BMPR1A: variants seen among roughly 807,000 people sequenced by gnomAD.
BMPR1A encodes the protein bone morphogenetic protein receptor type 1A, also known as bone morphogenetic protein receptor type-1A.
In BMPR1A, 7 loss-of-function variants were observed where a neutral mutation model predicts 66.0. That is an observed-to-expected ratio of 0.11 (90% CI 0.06 to 0.20). BMPR1A has a LOEUF of 0.20. BMPR1A is among the 10% of genes least tolerant of loss of function. The pLI is 1.00. For missense variants in BMPR1A, 408 were observed against 669.1 expected (o/e 0.61, Z 4.31); for synonymous variants, 200 against 229.7 (o/e 0.87, Z 1.17).
intron 8 of BMPR1A, among the ~76,000 whole-genome samples, chr10:86,915,204 T>A (rs1843547947): frequency 6.6e-6 from 1 of 152,164 alleles, no homozygotes. Context: ...TTTTGTATTT[T>A]TTTTTAAGTA....
chr10:86,896,625 T>C (rs1001830732), intron 5 of BMPR1A, among the ~76,000 whole-genome samples: 2 of 152,204 alleles, frequency 1.3e-5, no homozygotes, highest in African/African-American at 4.8e-5. Flanking sequence ...AAAATGATGA[T>C]AATGGGTATC....
intron 1 of BMPR1A, among the ~76,000 whole-genome samples, chr10:86,779,155 G>A (rs1232554462): frequency 1.3e-5 from 2 of 152,064 alleles, no homozygotes; most frequent in African/African-American, 2.4e-5. Flanking sequence ...TAGATGTCCC[G>A]TTTGTCTAAC....
intron 3 of BMPR1A, among the ~76,000 whole-genome samples, chr10:86,886,501 T>G (rs1381960883): frequency 1.3e-5 from 2 of 152,148 alleles, no homozygotes; most frequent in African/African-American, 4.8e-5. Flanking sequence ...TTTTGGAGGT[T>G]GAGCCAAAAG....
chr10:86,764,816 A>G (rs982225234), intron 1 of BMPR1A, among the ~76,000 whole-genome samples: 1 of 152,266 alleles, frequency 6.6e-6, no homozygotes, highest in Non-Finnish European at 1.5e-5. Flanking sequence ...TGAATTACGT[A>G]CCAGATTTTG....
chr10:86,874,709 C>CTTT lies in BMPR1A; in HGVS notation c.-152-1134_-152-1132dup, dbSNP rs200991488. ...GGCGTGAGTCACTGCACCCGACCTT[C>CTTT]TTTTTTTTTTTTTTTTTTTTTTTTT... On this transcript the variant is annotated intron_variant, in intron 2 of 12. Coordinates refer to ENST00000372037, the MANE Select transcript of BMPR1A (RefSeq NM_004329.3). Among the ~76,000 whole-genome samples the CTTT allele has an allele frequency of 2.8e-3, 260 of 92,424 alleles. 29 individuals carry two copies. The highest frequency in any genetic ancestry group is 4.8e-3 in the South Asian group (11 of 2,276). 60.6% of individuals were successfully genotyped at this position (92,424 alleles called of 152,430 possible). A position where few individuals can be genotyped will look rare whatever the true frequency, so the allele number is the denominator to read the frequency against.
chr10:86,757,892 T>A (rs1254964662), intron 1 of BMPR1A, among the ~76,000 whole-genome samples: 1 of 152,244 alleles, frequency 6.6e-6, no homozygotes, highest in Non-Finnish European at 1.5e-5. Context: ...AAACCAAAAC[T>A]GTTTGCAAAC....
chr10:86,888,598 G>A (rs768439183), intron 3 of BMPR1A, among the ~76,000 whole-genome samples: 5 of 152,150 alleles, frequency 3.3e-5, no homozygotes, highest in African/African-American at 7.2e-5. Context: ...AGGCTGAGGC[G>A]GGAGGATCGC....
In BMPR1A at chr10:86,790,191, ATATATAT is replaced by A. The variant is rs1841590818; in HGVS notation, c.-268+33273_-268+33279del. Among the ~76,000 whole-genome samples, 22 of 9,320 alleles carry A rather than the reference ATATATAT, an allele frequency of 2.4e-3. 1 individual carries two copies. Among genetic ancestry groups the A allele is most frequent in the African/African-American group, 8.8e-3 (13 of 1,482 alleles). 6.1% of individuals were successfully genotyped at this position (9,320 alleles called of 152,430 possible). On this transcript the variant is annotated intron_variant, in intron 1 of 12. Coordinates refer to ENST00000372037, the MANE Select transcript of BMPR1A (RefSeq NM_004329.3). The stretch of plus-strand genomic sequence containing the variant: ...AAAAAAAAAAAAAAAAAAAAAAAAT[ATATATAT>A]ATATATATATATATATATATATATA...
At chr10:86,756,243 G>A (rs1001237550), upstream of BMPR1A, 1 of 152,142 alleles carries the variant, frequency 6.6e-6, no homozygotes, top group Non-Finnish European at 1.5e-5. Context: ...CCTCCGCCGC[G>A]TTCCATCGCG....
intron 7 of BMPR1A, among the ~76,000 whole-genome samples, chr10:86,909,364 G>A (rs577522260): frequency 8.5e-5 from 13 of 152,128 alleles, no homozygotes; most frequent in Admixed American, 5.9e-4. Flanking sequence ...AGGCTGAGGT[G>A]GGTGGATCAC....
chr10:86,854,228 C>T (rs536167346), intron 2 of BMPR1A, among the ~76,000 whole-genome samples: 1 of 152,300 alleles, frequency 6.6e-6, no homozygotes, highest in South Asian at 2.1e-4. Context: ...GGTTCTCTCT[C>T]TTATTCCCTG....
chr10:86,762,193 T>C (rs1841070617), intron 1 of BMPR1A, among the ~76,000 whole-genome samples: 2 of 152,158 alleles, frequency 1.3e-5, no homozygotes, highest in African/African-American at 4.8e-5. Context: ...TTAATTGAGG[T>C]TGTCTTTTCT....
chr10:86,859,534 A>G (rs1589749850), intron 2 of BMPR1A, among the ~76,000 whole-genome samples: 2 of 152,238 alleles, frequency 1.3e-5, no homozygotes, highest in South Asian at 2.1e-4. Context: ...TATTGAAAAG[A>G]AGAGACCGGA....
At chr10:86,867,211 AG>A (rs1440612496) in intron 2 of BMPR1A, among the ~76,000 whole-genome samples, 1 of 152,236 alleles carries the variant, frequency 6.6e-6, no homozygotes, top group African/African-American at 2.4e-5. Flanking sequence ...GAAGTTTTTG[AG>A]TGTTGACATG....
intron 2 of BMPR1A, among the ~76,000 whole-genome samples, chr10:86,860,314 A>AAAAAC (rs2133229671): frequency 6.6e-6 from 1 of 152,354 alleles, no homozygotes; most frequent in East Asian, 1.9e-4. Context: ...TTATATATAT[A>AAAAAC]AAAACAGTAA....
At chr10:86,896,165 G>GAAAAAAAA (rs35504090) in intron 5 of BMPR1A, among the ~76,000 whole-genome samples, 1 of 103,768 alleles carries the variant, frequency 9.6e-6, no homozygotes. Flanking sequence ...AAAAAGAAAA[G>GAAAAAAAA]AAAAAAAAAA....
chr10:86,786,512 T>C (rs1030314141), intron 1 of BMPR1A, among the ~76,000 whole-genome samples: 2 of 152,222 alleles, frequency 1.3e-5, no homozygotes, highest in African/African-American at 4.8e-5. Flanking sequence ...TTCCTGCTCG[T>C]TGAAACACTT....
intron 1 of BMPR1A, among the ~76,000 whole-genome samples, chr10:86,794,509 G>C (rs1841676838): frequency 6.6e-6 from 1 of 152,160 alleles, no homozygotes; most frequent in South Asian, 2.1e-4. Flanking sequence ...TAACTCACAA[G>C]GTTGTTGTGA....
chr10:86,931,314 T>TATATATATATATATATATATATATATATA (rs71019438), downstream of BMPR1A: 4 of 107,460 alleles, frequency 3.7e-5, no homozygotes, highest in South Asian at 2.8e-4. Flanking sequence ...TATATATATA[T>TATATATATATATATATATATATATATATA]TCAAGCAATG....
Sources: gnomAD v4.1 joint callset for allele counts (sites outside exome capture counted in the v4.1 genomes callset) on GRCh38, gnomAD v4.1.1 for gene constraint, MANE v1.5 for transcripts, NCBI Gene and HGNC (gene_info 2026-07-23, HGNC 2026-07-21) for gene names.